SERPINI1: variants seen among roughly 807,000 people sequenced by gnomAD.
SERPINI1 encodes serpin family I member 1, also known as neuroserpin.
SERPINI1 carries 19 observed loss-of-function variants against 41.1 expected under a neutral mutation model. The ratio of observed to expected loss-of-function variants is 0.46; its 90% confidence interval spans 0.32 to 0.68. The LOEUF (loss-of-function observed/expected upper bound fraction) is 0.68, where lower values mean the gene tolerates loss of function less well. SERPINI1 is among the 30% of genes least tolerant of loss of function. SERPINI1 has a pLI of 0.03. For missense variants in SERPINI1, 460 were observed against 479.2 expected (o/e 0.96, Z 0.37); for synonymous variants, 138 against 156.6 (o/e 0.88, Z 0.89).
At chr3:167,784,445 C>T (rs980463505) in intron 1 of SERPINI1, among the ~76,000 whole-genome samples, 9 of 152,086 alleles carry the variant, frequency 5.9e-5, no homozygotes, top group Non-Finnish European at 1.3e-4. Context: ...ATTAGTTGGG[C>T]AACAGAGATG....
At chr3:167,791,912 G>C (rs1727529724) in intron 3 of SERPINI1, among the ~76,000 whole-genome samples, 1 of 152,174 alleles carries the variant, frequency 6.6e-6, no homozygotes, top group African/African-American at 2.4e-5. Flanking sequence ...ATCACTTGAG[G>C]CTAGGAGTTT....
Position 167,820,874 on chromosome 3 carries a change from G to A in SERPINI1, c.980-2112G>A, listed in dbSNP as rs796607845. Among the ~76,000 whole-genome samples the A allele has an allele frequency of 1.3e-4, 20 of 152,226 alleles. 1 individual carries two copies. Among genetic ancestry groups the A allele is most frequent in the Admixed American group, 2.0e-4 (3 of 15,304 alleles). On this transcript the variant is annotated intron_variant, in intron 6 of 8. Transcript: ENST00000446050. ...AATGAGAACTTACGGTGCTTTTTCCGCGCCACCTGTGGCCACCCATGGATC... is the reference window on the plus strand; with the variant it reads ...AATGAGAACTTACGGTGCTTTTTCCACGCCACCTGTGGCCACCCATGGATC...
chr3:167,795,877 G>A (rs935123004), intron 5 of SERPINI1, among the ~76,000 whole-genome samples: 2 of 152,026 alleles, frequency 1.3e-5, no homozygotes, highest in African/African-American at 4.8e-5. Context: ...CGTAGAACAT[G>A]TTTATTAGCA....
chr3:167,797,930 A>AT (rs1014055125), intron 5 of SERPINI1, among the ~76,000 whole-genome samples: 4 of 152,016 alleles, frequency 2.6e-5, no homozygotes, highest in Non-Finnish European at 5.9e-5. Flanking sequence ...TTAATTTTGT[A>AT]TTTTTTCTTG....
intron 1 of SERPINI1, among the ~76,000 whole-genome samples, chr3:167,740,714 G>A (rs761561878): frequency 8.5e-5 from 13 of 152,130 alleles, no homozygotes; most frequent in East Asian, 7.7e-4. Context: ...TTGCGCGCGC[G>A]CTTGTGTGCG....
At chr3:167,801,504 A>G (rs1474675004) in intron 5 of SERPINI1, among the ~76,000 whole-genome samples, 2 of 152,144 alleles carry the variant, frequency 1.3e-5, no homozygotes, top group East Asian at 3.9e-4. Context: ...AAAGACCTCC[A>G]TTCATATCCT....
chr3:167,810,576 A>T (rs1711837867), intron 6 of SERPINI1, among the ~76,000 whole-genome samples: 1 of 151,628 alleles, frequency 6.6e-6, no homozygotes, highest in African/African-American at 2.4e-5. Context: ...AATGCTAATG[A>T]TCATCTGAGC....
At chr3:167,774,184 T>C (rs1023419947) in intron 1 of SERPINI1, among the ~76,000 whole-genome samples, 1 of 152,180 alleles carries the variant, frequency 6.6e-6, no homozygotes, top group African/African-American at 2.4e-5. Context: ...ATCTTCAGCT[T>C]GGGACACAGC....
At chr3:167,772,248 A>T (rs1459614375) in intron 1 of SERPINI1, among the ~76,000 whole-genome samples, 1 of 152,164 alleles carries the variant, frequency 6.6e-6, no homozygotes, top group Non-Finnish European at 1.5e-5. Flanking sequence ...GAGGTCAAAG[A>T]TATATTTTAT....
At position 167,772,895 on chromosome 3, in the gene SERPINI1, C is replaced by CATAT. The variant is rs1338559053; in HGVS notation, c.-18-16215_-18-16214insTATA. Reference sequence around the variant, plus strand: ...ATATATATATATATATATATATATACACACACACACACACACACACACACA... The same window carrying CATAT: ...ATATATATATATATATATATATATACATATACACACACACACACACACACACACA... On this transcript the variant is annotated intron_variant, in intron 1 of 8. Coordinates refer to ENST00000446050, the MANE Select transcript of SERPINI1 (RefSeq NM_001122752.2). Among the ~76,000 whole-genome samples the CATAT allele has an allele frequency of 8.7e-5, 3 of 34,372 alleles. No homozygotes were observed. The East Asian group carries it at 3.5e-3, about 40-fold the overall frequency. 22.5% of individuals were successfully genotyped at this position (34,372 alleles called of 152,430 possible).
chr3:167,750,378 A>G (rs1455119789), intron 1 of SERPINI1, among the ~76,000 whole-genome samples: 1 of 152,250 alleles, frequency 6.6e-6, no homozygotes, highest in Non-Finnish European at 1.5e-5. Context: ...CATGCAGTGT[A>G]GCTTGGGAAA....
At chr3:167,770,741 T>C (rs887412938) in intron 1 of SERPINI1, among the ~76,000 whole-genome samples, 1 of 152,224 alleles carries the variant, frequency 6.6e-6, no homozygotes, top group Non-Finnish European at 1.5e-5. Context: ...TACAATTTGT[T>C]TCAACAGTAA....
intron 5 of SERPINI1, among the ~76,000 whole-genome samples, chr3:167,802,622 AAAC>A (rs1206311970): frequency 1.3e-5 from 2 of 149,536 alleles, no homozygotes; most frequent in East Asian, 3.9e-4. Flanking sequence ...AAAAGTCAGG[AAAC>A]AACAGGTGCT....
Position 167,794,857 on chromosome 3 carries a change from A to C in SERPINI1, c.881+33A>C, listed in dbSNP as rs200051461. 38 of 1,541,192 alleles carry C rather than the reference A, an allele frequency of 2.5e-5. No homozygotes were observed. In the African/African-American group the frequency reaches 4.9e-4, roughly 20 times the overall value. ...GTTCCTGTGTCACCCGTCCCACAGC[A>C]TGGACGATGGGCTATCAATGAAAAT... On this transcript the variant is annotated intron_variant, in intron 5 of 8. Coordinates refer to ENST00000446050, the MANE Select transcript of SERPINI1 (RefSeq NM_001122752.2).
At chr3:167,756,371 C>T (rs1275925869) in intron 1 of SERPINI1, among the ~76,000 whole-genome samples, 2 of 152,186 alleles carry the variant, frequency 1.3e-5, no homozygotes. Flanking sequence ...GATCTCAGCT[C>T]ACTGCAGCCT....
chr3:167,779,729 G>A (rs1232526140), intron 1 of SERPINI1, among the ~76,000 whole-genome samples: 1 of 152,008 alleles, frequency 6.6e-6, no homozygotes, highest in Non-Finnish European at 1.5e-5. Context: ...CCCTTTTGAT[G>A]TACCTGGCCA....
chr3:167,766,227 A>AG (rs1726563170), intron 1 of SERPINI1, among the ~76,000 whole-genome samples: 1 of 150,760 alleles, frequency 6.6e-6, no homozygotes, highest in Admixed American at 6.6e-5. Flanking sequence ...ATTTACCTAA[A>AG]AAAAAAAAAA....
chr3:167,738,062 A>G (rs574100341), intron 1 of SERPINI1, among the ~76,000 whole-genome samples: 1 of 152,276 alleles, frequency 6.6e-6, no homozygotes, highest in East Asian at 1.9e-4. Context: ...TTCACATTCA[A>G]TCTCAGGTAA....
chr3:167,741,913 G>T (rs908172034), intron 1 of SERPINI1, among the ~76,000 whole-genome samples: 1 of 150,438 alleles, frequency 6.6e-6, no homozygotes, highest in Non-Finnish European at 1.5e-5. Context: ...GGTAAATTAC[G>T]AAACTTTTAA....
Sources: gnomAD v4.1 joint callset for allele counts (sites outside exome capture counted in the v4.1 genomes callset) on GRCh38, gnomAD v4.1.1 for gene constraint, MANE v1.5 for transcripts, NCBI Gene and HGNC (gene_info 2026-07-23, HGNC 2026-07-21) for gene names.